DNAJB1: variants seen among roughly 807,000 people sequenced by gnomAD.
The protein encoded by DNAJB1 is DnaJ heat shock protein family (Hsp40) member B1, also known as dnaJ homolog subfamily B member 1.
DNAJB1 carries 14 observed loss-of-function variants against 24.0 expected under a neutral mutation model. The ratio of observed to expected loss-of-function variants is 0.58; its 90% CI spans 0.39 to 0.91. The LOEUF is 0.91. Among genes scored for constraint, DNAJB1 ranks in the 40% least tolerant of loss-of-function variants. The pLI, the probability that DNAJB1 is intolerant of heterozygous loss-of-function variation, is 0.00. For synonymous variants in DNAJB1, 262 were observed against 174.4 expected (o/e 1.50, Z -3.96); for missense variants, 517 against 458.1 (o/e 1.13, Z -1.17).
chr19:14,521,413 C>T (rs1056071025), upstream of DNAJB1, among the ~76,000 whole-genome samples: 16 of 151,150 alleles, frequency 1.1e-4, no homozygotes, highest in African/African-American at 3.2e-4. Flanking sequence ...GAGCCAAGAT[C>T]GTGCCACTGT....
chr19:14,517,798 G>T, intron 1 of DNAJB1: 1 of 228,466 alleles, frequency 4.4e-6, no homozygotes, highest in Non-Finnish European at 8.5e-6. Context: ...AGGTGAGCCC[G>T]GGTCCGCAGC....
At chr19:14,556,013 C>T (rs2073708320) in intron 1 of DNAJB1, among the ~76,000 whole-genome samples, 1 of 152,200 alleles carries the variant, frequency 6.6e-6, no homozygotes, top group Admixed American at 6.5e-5. Flanking sequence ...AGCCAAGTCT[C>T]ATCCCTCCTC....
chr19:14,529,559 C>A (rs780851912), upstream of DNAJB1: 2 of 1,346,888 alleles, frequency 1.5e-6, no homozygotes, highest in Non-Finnish European at 2.1e-6. Context: ...ACGGGGCGCG[C>A]GCGGCCTGGA....
At chr19:14,524,958 G>A (rs1252218271) in intron 2 of DNAJB1, among the ~76,000 whole-genome samples, 2 of 151,826 alleles carry the variant, frequency 1.3e-5, no homozygotes, top group Non-Finnish European at 2.9e-5. Context: ...ATTCATGGCT[G>A]GGTGCGGTGG....
chr19:14,543,930 G>A (rs2073214586), intron 1 of DNAJB1, among the ~76,000 whole-genome samples: 1 of 150,776 alleles, frequency 6.6e-6, no homozygotes, highest in Admixed American at 6.6e-5. Flanking sequence ...TAGAGACAGG[G>A]TTTCACCATG....
intron 1 of DNAJB1, among the ~76,000 whole-genome samples, chr19:14,555,409 C>T (rs1486593569): frequency 1.3e-5 from 2 of 149,642 alleles, no homozygotes; most frequent in African/African-American, 2.5e-5. Context: ...CTGCCATGCC[C>T]AGCAAATTTT....
chr19:14,559,168 A>G (rs922716333), intron 1 of DNAJB1, among the ~76,000 whole-genome samples: 1 of 152,172 alleles, frequency 6.6e-6, no homozygotes, highest in African/African-American at 2.4e-5. Flanking sequence ...TCACCCCTTT[A>G]AACAATAATT....
At chr19:14,542,358 T>TTTTTTTG (rs2073130253) in intron 1 of DNAJB1, among the ~76,000 whole-genome samples, 6 of 123,544 alleles carry the variant, frequency 4.9e-5, no homozygotes, top group African/African-American at 1.9e-4. Flanking sequence ...TTTTTTTTTT[T>TTTTTTTG]TTTTTTTTTT....
At position 14,516,520 on chromosome 19, in the gene DNAJB1, G is replaced by T. The variant is rs377538795; in HGVS notation, c.738C>A (p.Ile246=). 26 of 1,614,102 alleles carry T rather than the reference G, an allele frequency of 1.6e-5. No individual in the cohort carries two copies. Among genetic ancestry groups the T allele is most frequent in the African/African-American group, 9.3e-5 (7 of 74,938 alleles). Residue 246 remains isoleucine (I), a synonymous_variant, in exon 2 of 3, where the codon ATC becomes ATA. Transcript: ENST00000254322. ...TGACATCAGAGCCATCTCTCTTAAA[G>T]ATATTGTGGGGCTTGTCCTTTAAAA... ...VFVLKDKPHN[I]FKRDGSDVIY...
In DNAJB1 at chr19:14,516,369, C is replaced by T. The variant is rs550622601; in HGVS notation, c.792+97G>A. 3.5e-5 allele frequency: 49 copies of T among 1,387,090 alleles called. No individual in the cohort carries two copies. The African/African-American group carries it at 4.9e-4, about 14-fold the overall frequency. 85.9% of individuals were successfully genotyped at this position (1,387,090 alleles called of 1,614,324 possible). On this transcript the variant is annotated intron_variant, in intron 2 of 2. Transcript: ENST00000254322. ...TCACTGTTGTGCCCCAAGCCTGGCACGCACCACACACCCCAACACATTGGT... is the reference window on the plus strand; with the variant it reads ...TCACTGTTGTGCCCCAAGCCTGGCATGCACCACACACCCCAACACATTGGT...
intron 1 of DNAJB1, among the ~76,000 whole-genome samples, chr19:14,543,068 G>C (rs1361676610): frequency 1.3e-5 from 2 of 150,532 alleles, no homozygotes; most frequent in African/African-American, 4.9e-5. Context: ...CCTCAGGGTG[G>C]GGTGCCAAGT....
chr19:14,556,203 G>A (rs1469646898), intron 1 of DNAJB1, among the ~76,000 whole-genome samples: 2 of 152,112 alleles, frequency 1.3e-5, no homozygotes, highest in Non-Finnish European at 2.9e-5. Context: ...GCCACGCTAG[G>A]TATGGTCCAG....
chr19:14,529,831 G>T, upstream of DNAJB1: 3 of 1,408,794 alleles, frequency 2.1e-6, 1 homozygote, highest in South Asian at 3.5e-5. Context: ...AGACGGCGCA[G>T]GCGCAGTGGG....
chr19:14,517,345 A>G (rs1197771325), intron 1 of DNAJB1: 2 of 348,520 alleles, frequency 5.7e-6, no homozygotes, highest in Non-Finnish European at 1.0e-5. Context: ...CAACATCACC[A>G]AGAGATGGCT....
intron 1 of DNAJB1, chr19:14,545,822 T>C (rs2073287587): frequency 6.5e-6 from 1 of 153,014 alleles, no homozygotes; most frequent in East Asian, 1.9e-4. Context: ...GGGAAAGGGC[T>C]GTGTGGGTTC....
chr19:14,533,432 GA>G (rs1173725001), upstream of DNAJB1, among the ~76,000 whole-genome samples: 2 of 151,664 alleles, frequency 1.3e-5, no homozygotes, highest in South Asian at 2.1e-4. Flanking sequence ...AAAAAAAAAA[GA>G]AAAAAATCTA....
chr19:14,551,567 C>T (rs1599464995), upstream of DNAJB1, among the ~76,000 whole-genome samples: 1 of 152,268 alleles, frequency 6.6e-6, no homozygotes, highest in East Asian at 1.9e-4. Context: ...TGAGGACGCG[C>T]CCCTGCTTTT....
At chr19:14,532,775 C>A (rs1244071087), upstream of DNAJB1, among the ~76,000 whole-genome samples, 1 of 152,136 alleles carries the variant, frequency 6.6e-6, no homozygotes, top group Admixed American at 6.6e-5. Context: ...CTTTCACTCA[C>A]ACTTAACAAG....
At chr19:14,556,241 C>T (rs1325412021) in intron 1 of DNAJB1, among the ~76,000 whole-genome samples, 3 of 152,094 alleles carry the variant, frequency 2.0e-5, no homozygotes, top group Non-Finnish European at 4.4e-5. Context: ...TTACTGTTCC[C>T]TCTGCCTGGA....
Sources: allele counts gnomAD v4.1 joint callset (sites outside exome capture counted in the v4.1 genomes callset), GRCh38; gene constraint gnomAD v4.1.1; transcripts MANE v1.5; gene names NCBI Gene and HGNC (gene_info 2026-07-23, HGNC 2026-07-21).